Variants in QKI observed in about 807,000 individuals in gnomAD.
QKI encodes QKI, KH domain containing RNA binding, also known as KH domain-containing RNA-binding protein QKI.
A neutral mutation model predicts 39.0 loss-of-function variants in QKI; 10 were observed. The ratio of observed to expected loss-of-function variants is 0.26; its 90% confidence interval spans 0.16 to 0.43. QKI has a LOEUF of 0.43. Among genes scored for constraint, QKI ranks in the 20% least tolerant of loss-of-function variants. QKI has a pLI of 1.00. For synonymous variants in QKI, 204 were observed against 155.4 expected (o/e 1.31, Z -2.33); for missense variants, 218 against 428.0 (o/e 0.51, Z 4.33).
At chr6:163,564,084 T>TAA in intron 6 of QKI, 1 of 1,072,286 alleles carries the variant, frequency 9.3e-7, no homozygotes, top group Non-Finnish European at 1.1e-6. Context: ...GAGATTTATT[T>TAA]TATCTCACAG....
intron 1 of QKI, among the ~76,000 whole-genome samples, chr6:163,446,589 G>T (rs930410570): frequency 1.3e-5 from 2 of 152,094 alleles, no homozygotes; most frequent in African/African-American, 2.4e-5. Flanking sequence ...ATGGGGACTG[G>T]CTTCCCCTGA....
Position 163,477,516 on chromosome 6 carries a change from T to G in QKI, c.286-1264T>G, listed in dbSNP as rs114880097. 2.9e-3 allele frequency among the ~76,000 whole-genome samples: 436 copies of G among 152,202 alleles called. 2 individuals carry two copies. The highest frequency in any genetic ancestry group is 9.7e-3 in the African/African-American group (404 of 41,510). On this transcript the variant is annotated intron_variant, in intron 2 of 7. Coordinates refer to ENST00000361752, the MANE Select transcript of QKI (RefSeq NM_006775.3). Reference sequence around the variant, plus strand: ...GATCATGGTGGGGGTTTAGGTTGGGTAAAGAGGTAAAATTACTATATACTG... The same window carrying G: ...GATCATGGTGGGGGTTTAGGTTGGGGAAAGAGGTAAAATTACTATATACTG...
chr6:163,481,015 G>A (rs1291790434), intron 3 of QKI, among the ~76,000 whole-genome samples: 1 of 152,148 alleles, frequency 6.6e-6, no homozygotes, highest in Non-Finnish European at 1.5e-5. Flanking sequence ...GCTTATAACT[G>A]TGTGATTATA....
chr6:163,425,002 C>G (rs1327342935), intron 1 of QKI, among the ~76,000 whole-genome samples: 1 of 152,064 alleles, frequency 6.6e-6, no homozygotes, highest in Non-Finnish European at 1.5e-5. Flanking sequence ...AGCAAAACAG[C>G]TTTTAGAGAA....
At chr6:163,521,859 A>G (rs1321606140) in intron 3 of QKI, among the ~76,000 whole-genome samples, 3 of 151,920 alleles carry the variant, frequency 2.0e-5, no homozygotes, top group Non-Finnish European at 2.9e-5. Flanking sequence ...ATTAATTGCT[A>G]ATTTATTTTT....
chr6:163,534,816 A>G (rs1781094796), intron 3 of QKI, 166 bp from the exon 4 acceptor site: 1 of 529,340 alleles, frequency 1.9e-6, no homozygotes, highest in South Asian at 4.0e-5. Flanking sequence ...GTAGTCTCAC[A>G]TTCAATCAAA....
At chr6:163,537,393 C>G (rs1224225674) in intron 4 of QKI, among the ~76,000 whole-genome samples, 1 of 152,096 alleles carries the variant, frequency 6.6e-6, no homozygotes, top group Non-Finnish European at 1.5e-5. Flanking sequence ...AGAAATAGTT[C>G]CTTGCCAACT....
chr6:163,422,470 G>C (rs1319572662), intron 1 of QKI, among the ~76,000 whole-genome samples: 3 of 152,160 alleles, frequency 2.0e-5, no homozygotes, highest in African/African-American at 7.2e-5. Flanking sequence ...GTGTGTGCCT[G>C]TAGTCCCAGC....
chr6:163,453,121 AT>A (rs1790696162), intron 1 of QKI, among the ~76,000 whole-genome samples: 1 of 151,316 alleles, frequency 6.6e-6, no homozygotes, highest in Non-Finnish European at 1.5e-5. Context: ...AGTTTGATAA[AT>A]TTGTTTATCT....
rs891262046 is a variant in QKI at position 163,567,511 on chromosome 6, C to A, written c.1009+716C>A. 14 of 983,868 alleles carry A rather than the reference C, an allele frequency of 1.4e-5. No individual in the cohort carries two copies. The African/African-American group carries it at 2.4e-4, about 17-fold the overall frequency. The allele number at this position is 983,868 out of a possible 1,614,324, so 60.9% of individuals were successfully genotyped here. On this transcript the variant is annotated intron_variant, in intron 7 of 7. Transcript: ENST00000361752. ...TTGAAGTTCTGTGGTGGTATGAGATCCAGCTGTGTGAATATAATTTTTGAC... is the reference window on the plus strand; with the variant it reads ...TTGAAGTTCTGTGGTGGTATGAGATACAGCTGTGTGAATATAATTTTTGAC...
intron 1 of QKI, chr6:163,415,845 G>T (rs1374051286): frequency 8.2e-6 from 4 of 488,208 alleles, no homozygotes; most frequent in South Asian, 6.0e-5. Flanking sequence ...GAGGACTAAA[G>T]CGGGGTTTCG....
At chr6:163,418,876 A>G (rs1309220874) in intron 1 of QKI, among the ~76,000 whole-genome samples, 1 of 152,166 alleles carries the variant, frequency 6.6e-6, no homozygotes, top group Admixed American at 6.5e-5. Context: ...ACAATCCTGT[A>G]TTAGGGGAAA....
intron 3 of QKI, among the ~76,000 whole-genome samples, chr6:163,518,402 G>A (rs953968600): frequency 1.3e-5 from 2 of 152,082 alleles, no homozygotes; most frequent in African/African-American, 4.8e-5. Flanking sequence ...GCCGAGATAA[G>A]CAAAATTGGA....
At chr6:163,474,228 G>A (rs1251014095) in intron 2 of QKI, among the ~76,000 whole-genome samples, 1 of 152,144 alleles carries the variant, frequency 6.6e-6, no homozygotes, top group Non-Finnish European at 1.5e-5. Flanking sequence ...CTTTATGGTG[G>A]ACTGTTGAAA....
At chr6:163,483,315 G>T (rs1404138632) in intron 3 of QKI, among the ~76,000 whole-genome samples, 1 of 152,114 alleles carries the variant, frequency 6.6e-6, no homozygotes, top group Non-Finnish European at 1.5e-5. Flanking sequence ...TCAGGGTGGT[G>T]GTTGCCAATG....
intron 7 of QKI, chr6:163,569,779 G>A: frequency 2.0e-6 from 2 of 985,806 alleles, no homozygotes; most frequent in Non-Finnish European, 2.4e-6. Context: ...TATTTGCAGA[G>A]TATTAGCTTT....
chr6:163,424,525 CTG>C (rs1479619403), intron 1 of QKI, among the ~76,000 whole-genome samples: 2 of 152,156 alleles, frequency 1.3e-5, no homozygotes, highest in Non-Finnish European at 2.9e-5. Context: ...GCTTCTTCAT[CTG>C]TGAATGAAAT....
chr6:163,421,630 A>G (rs1339329870), intron 1 of QKI, among the ~76,000 whole-genome samples: 1 of 151,012 alleles, frequency 6.6e-6, no homozygotes, highest in Non-Finnish European at 1.5e-5. Flanking sequence ...GTCATTTAAC[A>G]CAAATAGCTA....
intron 6 of QKI, chr6:163,564,019 G>C (rs1238437354): frequency 1.7e-6 from 2 of 1,189,968 alleles, no homozygotes; most frequent in African/African-American, 3.1e-5. Flanking sequence ...CTGAGTTTTA[G>C]GTCCCACCCC....
Sources: gnomAD v4.1 joint callset for allele counts (sites outside exome capture counted in the v4.1 genomes callset) on GRCh38, gnomAD v4.1.1 for gene constraint, MANE v1.5 for transcripts, NCBI Gene and HGNC (gene_info 2026-07-23, HGNC 2026-07-21) for gene names.